The following ANKRD12 variants were observed in gnomAD, a reference collection of about 807,000 sequenced individuals.
ANKRD12 encodes ankyrin repeat domain 12.
A neutral mutation model predicts 183.4 loss-of-function variants in ANKRD12; 85 were observed. The ratio of observed to expected loss-of-function variants is 0.46; its 90% CI spans 0.39 to 0.56. The LOEUF is 0.56. ANKRD12 is among the 20% of genes least tolerant of loss of function. The probability of loss-of-function intolerance (pLI) is 0.00; values close to 1 mark genes in which losing one functional copy is unlikely to be tolerated. For synonymous variants in ANKRD12, 914 were observed against 800.2 expected, an observed-to-expected ratio of 1.14 and a Z score of -2.40; for missense variants, 2,405 against 2,357.1, an observed-to-expected ratio of 1.02 and a Z score of -0.42.
intron 1 of ANKRD12, among the ~76,000 whole-genome samples, chr18:9,165,415 C>T (rs2031933564): frequency 6.6e-6 from 1 of 152,102 alleles, no homozygotes; most frequent in Non-Finnish European, 1.5e-5. Context: ...GCATTAAGTA[C>T]ATTCACATTG....
intron 5 of ANKRD12, 103 bp from the exon 6 acceptor site, chr18:9,211,481 T>C: frequency 9.6e-7 from 1 of 1,039,908 alleles, no homozygotes; most frequent in Middle Eastern, 2.1e-4. Flanking sequence ...TGAGAAGGCA[T>C]TCCTTGTGTT....
intron 7 of ANKRD12, among the ~76,000 whole-genome samples, 189 bp from the exon 8 acceptor site, chr18:9,221,663 G>C (rs956068302): frequency 6.6e-6 from 1 of 152,096 alleles, no homozygotes; most frequent in Non-Finnish European, 1.5e-5. Flanking sequence ...AGTAGTTGAG[G>C]TTATCAGATA....
intron 1 of ANKRD12, among the ~76,000 whole-genome samples, chr18:9,167,529 G>A (rs1316417618): frequency 3.3e-5 from 5 of 152,218 alleles, no homozygotes; most frequent in South Asian, 2.1e-4. Flanking sequence ...GTTTGTTATT[G>A]GTGTTTAAGA....
chr18:9,166,596 C>T (rs2032096770), intron 1 of ANKRD12, among the ~76,000 whole-genome samples: 1 of 151,996 alleles, frequency 6.6e-6, no homozygotes, highest in African/African-American at 2.4e-5. Context: ...TGTTTGAGTT[C>T]ATTGTAGATT....
chr18:9,230,409 T>A (rs189585923), intron 8 of ANKRD12, among the ~76,000 whole-genome samples: 1 of 152,306 alleles, frequency 6.6e-6, no homozygotes, highest in African/African-American at 2.4e-5. Flanking sequence ...AGAGAACTGA[T>A]TTTTCATTCC....
At chr18:9,271,260 A>G (rs1173669720) in intron 10 of ANKRD12, among the ~76,000 whole-genome samples, 1 of 152,072 alleles carries the variant, frequency 6.6e-6, no homozygotes, top group African/African-American at 2.4e-5. Context: ...AATTTTTGCC[A>G]GGTGTGGTGG....
At chr18:9,176,923 T>C (rs903555690) in intron 1 of ANKRD12, among the ~76,000 whole-genome samples, 10 of 152,240 alleles carry the variant, frequency 6.6e-5, no homozygotes, top group South Asian at 2.1e-4. Flanking sequence ...AACTGTCTTA[T>C]AGCATACATT....
chr18:9,158,528 G>A (rs1452562277), intron 1 of ANKRD12, among the ~76,000 whole-genome samples: 1 of 152,126 alleles, frequency 6.6e-6, no homozygotes, highest in African/African-American at 2.4e-5. Context: ...GATTAGGCTG[G>A]GGTTATGGCT....
rs1272192009 is a variant in ANKRD12 at position 9,257,225 on chromosome 18, ACCAAACAATT to A, written c.3968_3977del (p.Phe1323TyrfsTer11). ...CATGCCTTCTGTCATTTGTGAACAT[ACCAAACAATT>A]CCAAACAATATCAGAAGAGAGCAAT... On this transcript the variant is annotated frameshift_variant, in exon 9 of 13. Transcript: ENST00000262126. LOFTEE classifies it high-confidence loss of function. The A allele has an allele frequency of 6.2e-7, 1 of 1,614,174 alleles. No individual in the cohort carries two copies. The highest frequency in any genetic ancestry group is 1.3e-5 in the African/African-American group (1 of 75,052).
chr18:9,267,771 C>G (rs1174830184), intron 10 of ANKRD12, among the ~76,000 whole-genome samples: 69 of 144,816 alleles, frequency 4.8e-4, no homozygotes, highest in Admixed American at 7.6e-4. Flanking sequence ...TAACTAAGAT[C>G]AGAGCAGAAC....
intron 8 of ANKRD12, among the ~76,000 whole-genome samples, chr18:9,227,906 A>G (rs1391677662): frequency 6.6e-6 from 1 of 152,164 alleles, no homozygotes; most frequent in African/African-American, 2.4e-5. Context: ...AACTTACTTC[A>G]TCTAACCCTA....
chr18:9,137,812 G>A (rs1162446075), intron 1 of ANKRD12: 1 of 152,232 alleles, frequency 6.6e-6, no homozygotes, highest in Non-Finnish European at 1.5e-5. Flanking sequence ...GTTTTGAGGA[G>A]TGATGTGGAG....
At chr18:9,207,925 C>G (rs2035577176) in intron 4 of ANKRD12, among the ~76,000 whole-genome samples, 1 of 152,160 alleles carries the variant, frequency 6.6e-6, no homozygotes, top group Non-Finnish European at 1.5e-5. Context: ...AATTTGCTGA[C>G]ACTTAATGGG....
intron 8 of ANKRD12, among the ~76,000 whole-genome samples, chr18:9,224,209 A>G (rs1031112531): frequency 5.3e-5 from 8 of 152,194 alleles, no homozygotes; most frequent in African/African-American, 1.7e-4. Flanking sequence ...AATTTTTTTC[A>G]GACTTTAACA....
rs751550628 is a variant in ANKRD12, at chr18:9,256,602, A to G, written c.3335A>G (p.Asn1112Ser). ...IKQKEKERLR[N>S]RNCLELKIKD... Reference sequence around the variant, plus strand: ...CAAAAAGAAAAGGAACGGTTGAGAAACCGAAACTGTTTAGAACTTAAAATA... The same window carrying G: ...CAAAAAGAAAAGGAACGGTTGAGAAGCCGAAACTGTTTAGAACTTAAAATA... The change falls in exon 9 of 13, where the codon AAC becomes AGC. Residue 1112 changes from asparagine to serine, a missense_variant. Coordinates refer to ENST00000262126, the MANE Select transcript of ANKRD12 (RefSeq NM_015208.5). The G allele has an allele frequency of 1.2e-6, 2 of 1,602,132 alleles. No homozygotes were observed. The highest frequency in any genetic ancestry group is 2.3e-5 in the South Asian group (2 of 87,462).
chr18:9,218,865 T>C (rs536291278), intron 7 of ANKRD12, among the ~76,000 whole-genome samples: 1 of 151,960 alleles, frequency 6.6e-6, no homozygotes, highest in Non-Finnish European at 1.5e-5. Flanking sequence ...GACCCTGTGT[T>C]GTTCAGGCTG....
At chr18:9,182,350 T>G in intron 1 of ANKRD12, 32 bp from the exon 2 acceptor site, 2 of 424,064 alleles carry the variant, frequency 4.7e-6, no homozygotes, top group South Asian at 2.8e-5. Flanking sequence ...GTATATATAT[T>G]CAAATAACCC....
intron 1 of ANKRD12, among the ~76,000 whole-genome samples, chr18:9,166,281 C>T (rs917583549): frequency 6.6e-6 from 1 of 152,130 alleles, no homozygotes; most frequent in African/African-American, 2.4e-5. Context: ...TTCTAGATCC[C>T]TGAGGAATCG....
intron 6 of ANKRD12, among the ~76,000 whole-genome samples, chr18:9,215,121 A>G (rs1191888051): frequency 2.0e-5 from 3 of 152,152 alleles, no homozygotes; most frequent in Admixed American, 1.3e-4. Flanking sequence ...ATCAGTGAGG[A>G]AAAAAGAAAA....
Sources: gnomAD v4.1 joint callset for allele counts (sites outside exome capture counted in the v4.1 genomes callset) on GRCh38, gnomAD v4.1.1 for gene constraint, MANE v1.5 for transcripts, NCBI Gene and HGNC (gene_info 2026-07-23, HGNC 2026-07-21) for gene names.